NEK4: variants seen among roughly 807,000 people sequenced by gnomAD.
NEK4 encodes NIMA related kinase 4.
Under a neutral mutation model 98.4 loss-of-function variants are expected in NEK4, and 86 were observed. The ratio of observed to expected loss-of-function variants is 0.87; its 90% CI spans 0.73 to 1.05. NEK4 has a LOEUF of 1.05. NEK4 is among the 50% of genes least tolerant of loss of function. NEK4 has a pLI of 0.00. For synonymous variants in NEK4, 328 were observed against 342.2 expected (o/e 0.96, Z 0.46); for missense variants, 898 against 950.3 (o/e 0.94, Z 0.72).
intron 1 of NEK4, among the ~76,000 whole-genome samples, 162 bp downstream of exon 1, chr3:52,770,492 A>T (rs1388113229): frequency 6.7e-6 from 1 of 149,150 alleles, no homozygotes; most frequent in Non-Finnish European, 1.5e-5. Flanking sequence ...CTGGGCGCAT[A>T]TTACAGGGAG....
chr3:52,746,731 T>TA lies in NEK4; in HGVS notation c.1677+2dup, dbSNP rs750234733. 1 of 1,595,232 alleles carries TA rather than the reference T, an allele frequency of 6.3e-7. No homozygotes were observed. Among genetic ancestry groups the TA allele is most frequent in the East Asian group, 2.2e-5 (1 of 44,510 alleles). The stretch of plus-strand genomic sequence containing the variant: ...CCTCCCAAACCAAAGCAAAATGACT[T>TA]ACAGCAAAGAGATCTCTGCGGACCT... On this transcript the variant is annotated splice_region_variant and intron_variant, in intron 9 of 15. Transcript: ENST00000233027.
At chr3:52,724,230 A>ACACAC (rs762208164) in intron 15 of NEK4, among the ~76,000 whole-genome samples, 1 of 73,894 alleles carries the variant, frequency 1.4e-5, no homozygotes, top group South Asian at 3.3e-4. Flanking sequence ...ACTTTGTCTT[A>ACACAC]AAACACACAC....
At chr3:52,745,814 T>C (rs1160797061) in intron 10 of NEK4, among the ~76,000 whole-genome samples, 4 of 152,096 alleles carry the variant, frequency 2.6e-5, no homozygotes, top group Non-Finnish European at 5.9e-5. Flanking sequence ...CCTCCGCCTT[T>C]TGGGTTCAAG....
In NEK4 at chr3:52,739,550, A is replaced by T. The variant is rs997538234; in HGVS notation, c.2178T>A (p.Asp726Glu). The T allele has an allele frequency of 1.9e-6, 3 of 1,614,056 alleles. No homozygotes were observed. In the African/African-American group the frequency reaches 4.0e-5, roughly 22 times the overall value. Reference sequence around the variant, plus strand: ...CTGACACTGGGTTTGCTACCGGGACATCTTCACAGCTCTCTTTAGAATCCA... The same window carrying T: ...CTGACACTGGGTTTGCTACCGGGACTTCTTCACAGCTCTCTTTAGAATCCA... ...LKLDSKESCE[D>E]VPVANPVSEF... Residue 726 changes from aspartate (D) to glutamate (E), a missense_variant, in exon 14 of 16, where the codon GAT becomes GAA. Transcript: ENST00000233027.
At chr3:52,721,390 T>A (rs1388377706) in intron 15 of NEK4, among the ~76,000 whole-genome samples, 11 of 152,198 alleles carry the variant, frequency 7.2e-5, no homozygotes. Flanking sequence ...CACTTTATTT[T>A]TTTTCTTTTC....
chr3:52,754,842 G>A (rs1163219817), intron 6 of NEK4, among the ~76,000 whole-genome samples: 1 of 152,148 alleles, frequency 6.6e-6, no homozygotes, highest in Non-Finnish European at 1.5e-5. Flanking sequence ...GGGAGGCCAA[G>A]ATGGGCGGAT....
At chr3:52,720,926 T>C (rs2097359535) in intron 15 of NEK4, among the ~76,000 whole-genome samples, 1 of 152,270 alleles carries the variant, frequency 6.6e-6, no homozygotes, top group African/African-American at 2.4e-5. Context: ...CTATAGAAGA[T>C]GGCAGAGTAA....
intron 15 of NEK4, among the ~76,000 whole-genome samples, chr3:52,719,453 C>G (rs111592226): frequency 6.6e-6 from 1 of 151,838 alleles, no homozygotes; most frequent in African/African-American, 2.4e-5. Flanking sequence ...TATGGTGACA[C>G]GCACCTGTAG....
In NEK4 at chr3:52,753,682, G is replaced by A. The variant is rs137871159; in HGVS notation, c.964-1346C>T. ...ATGCTTTGCCCATAACTAAGCCTACGGAGCCTGTCCCAGCAGCACAGTCAA... is the reference window on the plus strand; with the variant it reads ...ATGCTTTGCCCATAACTAAGCCTACAGAGCCTGTCCCAGCAGCACAGTCAA... On this transcript the variant is annotated intron_variant, in intron 6 of 15. Transcript: ENST00000233027. The A allele has an allele frequency of 1.2e-3, 681 of 582,188 alleles. 6 individuals are homozygous for A. Among genetic ancestry groups the A allele is most frequent in the African/African-American group, 0.012 (615 of 53,438 alleles). 36.1% of individuals were successfully genotyped at this position (582,188 alleles called of 1,614,324 possible).
At chr3:52,729,441 G>T (rs935424890) in intron 15 of NEK4, among the ~76,000 whole-genome samples, 1 of 152,098 alleles carries the variant, frequency 6.6e-6, no homozygotes, top group African/African-American at 2.4e-5. Context: ...GGGCACGGTG[G>T]CTCACACCTG....
rs1353911225 is a variant in NEK4, at chr3:52,763,630, A to C, written c.667-6T>G. 1 of 1,574,682 alleles carries C rather than the reference A, an allele frequency of 6.4e-7. No homozygotes were observed. Among genetic ancestry groups the C allele is most frequent in the South Asian group, 1.2e-5 (1 of 85,966 alleles). On this transcript the variant is annotated splice_polypyrimidine_tract_variant and splice_region_variant and intron_variant, in intron 4 of 15. Coordinates refer to ENST00000233027, the MANE Select transcript of NEK4 (RefSeq NM_003157.6). ...TCTCTTGGCATTGGTGGCAGCTACA[A>C]ATAAAAATAATATTGTAATTATGAC...
At chr3:52,714,306 G>A (rs557459084) in intron 15 of NEK4, among the ~76,000 whole-genome samples, 13 of 152,254 alleles carry the variant, frequency 8.5e-5, no homozygotes, top group Non-Finnish European at 1.8e-4. Context: ...GGAGGCCATT[G>A]TTTTGGACTA....
Position 52,770,888 on chromosome 3 carries a change from G to A in NEK4, c.-142C>T. The A allele has an allele frequency of 1.5e-6, 1 of 683,020 alleles. No homozygotes were observed. The highest frequency in any genetic ancestry group is 2.4e-6 in the Non-Finnish European group (1 of 408,642). The allele number at this position is 683,020 out of a possible 1,614,324, so 42.3% of individuals were successfully genotyped here. A position where few individuals can be genotyped will look rare whatever the true frequency, so the allele number is the denominator to read the frequency against. On this transcript the variant is annotated 5_prime_UTR_variant, in exon 1 of 16. Transcript: ENST00000233027. ...GCCGGGCCCGGGCGGGATTGCTGGG[G>A]CCCGGCCCGCGACGACGCCGCTGCC...
intron 4 of NEK4, among the ~76,000 whole-genome samples, chr3:52,764,040 TTTGGG>T (rs1698456648): frequency 1.3e-5 from 2 of 152,122 alleles, no homozygotes; most frequent in South Asian, 4.1e-4. Context: ...ATCCCAGCAC[TTTGGG>T]AGGCCGAGGC....
At chr3:52,744,408 G>A (rs1350638133) in intron 10 of NEK4, 103 bp from the exon 11 acceptor site, 3 of 915,118 alleles carry the variant, frequency 3.3e-6, no homozygotes, top group Non-Finnish European at 5.4e-6. Context: ...GGTCTGAGCT[G>A]GATGCGGTGG....
In NEK4 at chr3:52,741,486, ATC is replaced by A. The variant is rs1561305507; in HGVS notation, c.2016_2017del (p.Gln672HisfsTer6). On this transcript the variant is annotated frameshift_variant, in exon 13 of 16. Transcript: ENST00000233027. LOFTEE classifies it high-confidence loss of function. Reference sequence around the variant, plus strand: ...TAACTCATCCTCAGACAGACAATGAATCTGTTTCCTTTCCTATTAAATGTTTG... The same window carrying A: ...TAACTCATCCTCAGACAGACAATGAATGTTTCCTTTCCTATTAAATGTTTG... The A allele has an allele frequency of 1.2e-6, 2 of 1,601,050 alleles. No individual in the cohort carries two copies. Among genetic ancestry groups the A allele is most frequent in the Non-Finnish European group, 1.7e-6 (2 of 1,168,464 alleles).
rs1698538980 is a variant in NEK4 at position 52,765,900 on chromosome 3, A to G, written c.653T>C (p.Ile218Thr). Residue 218 changes from isoleucine (I) to threonine (T), a missense_variant, in exon 4 of 16, where the codon ATT becomes ACT. By Grantham distance (89) the Ile-to-Thr change is moderately conservative. Transcript: ENST00000233027. ...AKDMNSLVYRIIEGKLPPMPR... is the reference protein window; with the variant it reads ...AKDMNSLVYRTIEGKLPPMPR... ...ATTATTCTTTACCTTTCCTTCAATA[A>G]TCCGATAAACTAAAGAATTCATATC... 3 of 1,595,842 alleles carry G rather than the reference A, an allele frequency of 1.9e-6. No homozygotes were observed. Among genetic ancestry groups the G allele is most frequent in the Non-Finnish European group, 2.6e-6 (3 of 1,163,698 alleles).
At position 52,768,395 on chromosome 3, in the gene NEK4, C is replaced by G; in HGVS notation, c.303G>C (p.Gln101His). The G allele has an allele frequency of 6.2e-7, 1 of 1,614,072 alleles. No homozygotes were observed. The highest frequency in any genetic ancestry group is 8.5e-7 in the Non-Finnish European group (1 of 1,179,942). The change falls in exon 2 of 16, where the codon CAG (glutamine) becomes CAC (histidine). Residue 101 changes from glutamine to histidine, a missense_variant. Physicochemically the swap from Gln to His is conservative, Grantham distance 24. Transcript: ENST00000233027. The stretch of plus-strand genomic sequence containing the variant: ...CTACCACCTGATTCTCAGGCAGAAG[C>G]TGCCCTTTCTGCTCCTTGAGCTTTC... ...LYRKLKEQKGQLLPENQVVEW... is the reference protein window; with the variant it reads ...LYRKLKEQKGHLLPENQVVEW...
At chr3:52,759,031 T>C (rs1578693143) in intron 6 of NEK4, among the ~76,000 whole-genome samples, 1 of 148,248 alleles carries the variant, frequency 6.7e-6, no homozygotes, top group Non-Finnish European at 1.5e-5. Context: ...TCAGAGGCTG[T>C]AGTGAGCTAT....
Sources: gnomAD v4.1 joint callset for allele counts (sites outside exome capture counted in the v4.1 genomes callset) on GRCh38, gnomAD v4.1.1 for gene constraint, MANE v1.5 for transcripts, NCBI Gene and HGNC (gene_info 2026-07-23, HGNC 2026-07-21) for gene names.